PTPA: variants seen among roughly 807,000 people sequenced by gnomAD.
PTPA encodes the protein protein phosphatase 2 phosphatase activator, also known as serine/threonine-protein phosphatase 2A activator.
A neutral mutation model predicts 43.6 loss-of-function variants in PTPA; 13 were observed. The ratio of observed to expected loss-of-function variants is 0.30; its 90% CI spans 0.19 to 0.47. The LOEUF is 0.47. Ranked by LOEUF, PTPA falls within the 20% of genes least tolerant of loss-of-function variation. The pLI is 0.99. For missense variants in PTPA, 329 were observed against 411.9 expected (o/e 0.80, Z 1.74); for synonymous variants, 172 against 158.2 (o/e 1.09, Z -0.66).
At chr9:129,120,789 C>T (rs1050353598) in intron 2 of PTPA, among the ~76,000 whole-genome samples, 179 bp downstream of exon 2, 8 of 152,160 alleles carry the variant, frequency 5.3e-5, no homozygotes, top group African/African-American at 1.9e-4. Flanking sequence ...CTCAGAGATG[C>T]TTTATCAGGA....
chr9:129,122,270 CTT>C (rs755821207), intron 2 of PTPA, among the ~76,000 whole-genome samples: 5 of 152,066 alleles, frequency 3.3e-5, no homozygotes, highest in Non-Finnish European at 7.4e-5. Flanking sequence ...ACCTGGCAAA[CTT>C]TTTAATTTTT....
In PTPA at chr9:129,124,328, G is replaced by A. The variant is rs371546872; in HGVS notation, c.216+1190G>A. Among the ~76,000 whole-genome samples, 59 of 150,584 alleles carry A rather than the reference G, an allele frequency of 3.9e-4. No individual in the cohort carries two copies. The South Asian group carries it at 0.011, about 29-fold the overall frequency. On this transcript the variant is annotated intron_variant, in intron 3 of 9. Coordinates refer to ENST00000393370, the MANE Select transcript of PTPA (RefSeq NM_178000.3). ...CGAAGTGCTGGGGTGACAGATGTGA[G>A]CCACCAAGCTTGGCCCCTCATTTAT... is the stretch of plus-strand genomic sequence containing the variant.
chr9:129,134,432 T>A (rs1395750758), intron 5 of PTPA, among the ~76,000 whole-genome samples: 1 of 149,378 alleles, frequency 6.7e-6, no homozygotes, highest in Admixed American at 6.8e-5. Flanking sequence ...GCCTCCTGAG[T>A]AGTTGGGACC....
At chr9:129,123,433 C>T (rs1849386191) in intron 3 of PTPA, among the ~76,000 whole-genome samples, 1 of 151,086 alleles carries the variant, frequency 6.6e-6, no homozygotes, top group South Asian at 2.1e-4. Flanking sequence ...GATCGCGCCA[C>T]TGCACTCCAG....
chr9:129,112,655 GT>G (rs1848612272), intron 1 of PTPA, among the ~76,000 whole-genome samples: 1 of 152,192 alleles, frequency 6.6e-6, no homozygotes, highest in Admixed American at 6.5e-5. Context: ...GAACAAGGAT[GT>G]CCAGGCCAGG....
chr9:129,132,734 C>T (rs1458888340), intron 5 of PTPA, among the ~76,000 whole-genome samples: 3 of 152,230 alleles, frequency 2.0e-5, no homozygotes, highest in African/African-American at 7.2e-5. Flanking sequence ...GTCACTTCTC[C>T]ACCCACCTTG....
intron 9 of PTPA, among the ~76,000 whole-genome samples, chr9:129,145,578 T>C (rs951971446): frequency 3.6e-4 from 55 of 151,998 alleles, no homozygotes; most frequent in Non-Finnish European, 1.6e-4. Context: ...AACTGGTTGA[T>C]TGAGGGGAGT....
At chr9:129,142,340 G>GCAT in intron 8 of PTPA, 105 bp from the exon 9 acceptor site, 1 of 778,160 alleles carries the variant, frequency 1.3e-6, no homozygotes. Flanking sequence ...GTGTGCGTTT[G>GCAT]TGTGTGTGTG....
At chr9:129,141,906 C>T (rs532503237) in intron 8 of PTPA, 1 of 144,548 alleles carries the variant, frequency 6.9e-6, no homozygotes, top group Non-Finnish European at 1.5e-5. Flanking sequence ...TCTTCTAGCT[C>T]TGCTGGTGGC....
chr9:129,116,004 G>C (rs1303041354), intron 1 of PTPA, among the ~76,000 whole-genome samples: 1 of 152,084 alleles, frequency 6.6e-6, no homozygotes, highest in Non-Finnish European at 1.5e-5. Flanking sequence ...GGGACTACAG[G>C]TGTGCGCTAC....
In PTPA at chr9:129,120,195, T is replaced by C. The variant is rs570966648; in HGVS notation, c.32-318T>C. 4.6e-5 allele frequency among the ~76,000 whole-genome samples: 7 copies of C among 151,928 alleles called. No individual in the cohort carries two copies. The East Asian group carries it at 1.2e-3, about 25-fold the overall frequency. ...ATCGCTTGAACCCGGGAGGCAGAGG[T>C]TGCAGTGAGCTGAGATCGCGCCACT... is the stretch of plus-strand genomic sequence containing the variant. On this transcript the variant is annotated intron_variant, in intron 1 of 9. Coordinates refer to ENST00000393370, the MANE Select transcript of PTPA (RefSeq NM_178000.3).
At chr9:129,124,596 G>A (rs970219117) in intron 3 of PTPA, among the ~76,000 whole-genome samples, 2 of 152,176 alleles carry the variant, frequency 1.3e-5, no homozygotes. Context: ...AAGAGCTGAG[G>A]GGAGGCAGAT....
chr9:129,147,624 A>G lies in PTPA; in HGVS notation c.*160A>G, dbSNP rs1475705956. ...AGATGGGCTTGAGGGGGCTCAGAGC[A>G]TAAGGCTTCAGGGCCCAAGTTGGGA... On this transcript the variant is annotated 3_prime_UTR_variant, in exon 10 of 10. Transcript: ENST00000393370. The G allele has an allele frequency of 3.9e-6, 3 of 762,894 alleles. No homozygotes were observed. Among genetic ancestry groups the G allele is most frequent in the Non-Finnish European group, 4.2e-6 (2 of 480,746 alleles). The allele number at this position is 762,894 out of a possible 1,614,324, so 47.3% of individuals were successfully genotyped here.
intron 2 of PTPA, among the ~76,000 whole-genome samples, chr9:129,121,495 C>T (rs1192770711): frequency 4.6e-5 from 7 of 152,226 alleles, no homozygotes; most frequent in Non-Finnish European, 1.0e-4. Flanking sequence ...AGCTTGGTCC[C>T]TTCAGCTGCT....
Position 129,129,005 on chromosome 9 carries a change from T to C in PTPA, c.237T>C (p.Ala79=), listed in dbSNP as rs1286409411. The C allele has an allele frequency of 1.2e-6, 2 of 1,613,222 alleles. No homozygotes were observed. Among genetic ancestry groups the C allele is most frequent in the Admixed American group, 1.7e-5 (1 of 60,020 alleles). ...CACAGGCCATTGAGAAACTAGTCGC[T>C]CTTCTCAACACGCTGGACAGGTGGA... ...RVSEAIEKLV[A]LLNTLDRWID... Residue 79 remains alanine (A), a synonymous_variant, in exon 4 of 10, where the codon GCT becomes GCC. Transcript: ENST00000393370.
intron 9 of PTPA, 58 bp from the exon 10 acceptor site, chr9:129,147,329 T>G: frequency 2.6e-6 from 4 of 1,558,020 alleles, no homozygotes; most frequent in Non-Finnish European, 3.5e-6. Flanking sequence ...GTTGTTGGGG[T>G]CCTGGCAGGG....
chr9:129,147,447 C>G lies in PTPA; in HGVS notation c.955C>G (p.Pro319Ala). ...FKFGSLLPIH[P>A]VTSG is the part of the protein sequence containing the mutation. Reference sequence around the variant, plus strand: ...GTTCGGGAGCCTGCTGCCCATCCATCCTGTCACGTCGGGCTAGGAGGGGCC... The same window carrying G: ...GTTCGGGAGCCTGCTGCCCATCCATGCTGTCACGTCGGGCTAGGAGGGGCC... Residue 319 changes from proline to alanine, a missense_variant, in exon 10 of 10, where the codon CCT becomes GCT. By Grantham distance (27) the Pro-to-Ala change is conservative. Coordinates refer to ENST00000393370, the MANE Select transcript of PTPA (RefSeq NM_178000.3). 6.2e-7 allele frequency: 1 copy of G among 1,613,956 alleles called. No individual in the cohort carries two copies. Among genetic ancestry groups the G allele is most frequent in the Non-Finnish European group, 8.5e-7 (1 of 1,179,986 alleles).
At chr9:129,125,717 A>C (rs1227686501) in intron 3 of PTPA, among the ~76,000 whole-genome samples, 1 of 152,142 alleles carries the variant, frequency 6.6e-6, no homozygotes, top group Non-Finnish European at 1.5e-5. Flanking sequence ...CCTGGGGAAA[A>C]TTCACTGAGA....
chr9:129,125,528 C>T (rs1849520073), intron 3 of PTPA, among the ~76,000 whole-genome samples: 1 of 152,198 alleles, frequency 6.6e-6, no homozygotes, highest in South Asian at 2.1e-4. Context: ...CAGGCGTGAG[C>T]TGCTGCGCCC....
Sources: allele counts gnomAD v4.1 joint callset (sites outside exome capture counted in the v4.1 genomes callset), GRCh38; gene constraint gnomAD v4.1.1; transcripts MANE v1.5; gene names NCBI Gene and HGNC (gene_info 2026-07-23, HGNC 2026-07-21).